The following SLC1A6 variants were observed in gnomAD, a reference collection of about 807,000 sequenced individuals.
The protein encoded by SLC1A6 is excitatory amino acid transporter 4.
SLC1A6 carries 15 observed loss-of-function variants against 42.1 expected under a neutral mutation model. The ratio of observed to expected loss-of-function variants is 0.36; its 90% CI spans 0.24 to 0.55. The LOEUF (loss-of-function observed/expected upper bound fraction) is 0.55. Among genes scored for constraint, SLC1A6 ranks in the 20% least tolerant of loss-of-function variants. SLC1A6 has a pLI of 0.88. For missense variants in SLC1A6, 542 were observed against 772.5 expected, an observed-to-expected ratio of 0.70 and a Z score of 3.54; for synonymous variants, 317 against 319.7, an observed-to-expected ratio of 0.99 and a Z score of 0.09.
intron 1 of SLC1A6, among the ~76,000 whole-genome samples, chr19:14,989,310 G>A (rs1327634448): frequency 6.6e-6 from 1 of 152,140 alleles, no homozygotes; most frequent in African/African-American, 2.4e-5. Flanking sequence ...TGCCCAGGCT[G>A]GAGTGCAATG....
In SLC1A6 at chr19:14,969,624, C is replaced by T. The variant is rs553040146; in HGVS notation, c.344-1117G>A. On this transcript the variant is annotated intron_variant, in intron 3 of 9. Transcript: ENST00000594383. ...TGCGAGTTTCTCTTGAGAGCTATCC[C>T]GCAATAAATCACCTGTGCAGATATC... is the stretch of plus-strand genomic sequence containing the variant. 1.8e-4 allele frequency among the ~76,000 whole-genome samples: 27 copies of T among 152,274 alleles called. 1 individual carries two copies. The South Asian group carries it at 4.8e-3, about 27-fold the overall frequency.
At chr19:14,976,125 A>G (rs766516101) in intron 1 of SLC1A6, among the ~76,000 whole-genome samples, 2 of 152,178 alleles carry the variant, frequency 1.3e-5, no homozygotes, top group African/African-American at 2.4e-5. Context: ...GGACAACAGT[A>G]TGGAGATTTC....
At chr19:14,997,749 T>C (rs2045853986) in intron 1 of SLC1A6, among the ~76,000 whole-genome samples, 1 of 152,054 alleles carries the variant, frequency 6.6e-6, no homozygotes, top group Admixed American at 6.5e-5. Context: ...TCACAGCAAA[T>C]TGTCTGGTTG....
chr19:14,979,892 C>G (rs2045755443), upstream of SLC1A6: 1 of 152,210 alleles, frequency 6.6e-6, no homozygotes, highest in Non-Finnish European at 1.5e-5. The surrounding 1 kb of genome is among the most constrained non-coding windows in gnomAD (Gnocchi z 4.2). Context: ...AGTGGCCTCT[C>G]CGGCATCCAG....
At chr19:14,986,101 A>ATTT (rs34189680) in intron 1 of SLC1A6, among the ~76,000 whole-genome samples, 7 of 145,850 alleles carry the variant, frequency 4.8e-5, no homozygotes, top group African/African-American at 5.0e-5. Context: ...ACAAGCAGTA[A>ATTT]TTTTTTTTTT....
At chr19:14,955,943 G>T (rs1402536875) in intron 7 of SLC1A6, among the ~76,000 whole-genome samples, 1 of 148,336 alleles carries the variant, frequency 6.7e-6, no homozygotes, top group Non-Finnish European at 1.5e-5. Flanking sequence ...TCAAAAAAAA[G>T]AAAAAAAAAA....
At chr19:15,002,880 G>A (rs1289482376) in intron 1 of SLC1A6, among the ~76,000 whole-genome samples, 2 of 138,856 alleles carry the variant, frequency 1.4e-5, no homozygotes, top group African/African-American at 5.3e-5. Context: ...ATGGATGCCT[G>A]AGCCATTATT....
intron 1 of SLC1A6, among the ~76,000 whole-genome samples, chr19:15,001,609 C>T (rs996805989): frequency 7.9e-5 from 12 of 152,132 alleles, no homozygotes; most frequent in African/African-American, 2.9e-4. Flanking sequence ...CATTCTAAAC[C>T]TGAGGTTCAC....
Position 14,950,190 on chromosome 19 carries a change from G to C in SLC1A6, c.*5C>G. On this transcript the variant is annotated 3_prime_UTR_variant, in exon 10 of 10. Coordinates refer to ENST00000594383, the MANE Select transcript of SLC1A6 (RefSeq NM_005071.3). ...CCTCTCTGGGGGGGCAGAGCTGGAGGCCCCTCACATAGCACTCTCGTTGCC... is the reference window on the plus strand; with the variant it reads ...CCTCTCTGGGGGGGCAGAGCTGGAGCCCCCTCACATAGCACTCTCGTTGCC... 6.5e-7 allele frequency: 1 copy of C among 1,531,178 alleles called. No homozygotes were observed. Among genetic ancestry groups the C allele is most frequent in the South Asian group, 1.3e-5 (1 of 78,360 alleles). The allele number at this position is 1,531,178 out of a possible 1,614,324, so 94.8% of individuals were successfully genotyped here. A position where few individuals can be genotyped will look rare whatever the true frequency, so the allele number is the denominator to read the frequency against.
chr19:15,005,457 C>T (rs958480681), intron 1 of SLC1A6, among the ~76,000 whole-genome samples: 10 of 151,768 alleles, frequency 6.6e-5, no homozygotes, highest in Non-Finnish European at 1.3e-4. Flanking sequence ...TGCAGTGAAC[C>T]GAGATCGCGC....
chr19:14,950,366 G>A lies in SLC1A6; in HGVS notation c.1524C>T (p.Asn508=), dbSNP rs777845102. 2.6e-5 allele frequency: 41 copies of A among 1,593,000 alleles called. No homozygotes were observed. Among genetic ancestry groups the A allele is most frequent in the East Asian group, 1.4e-4 (6 of 44,064 alleles). ...CCGCTCCAATTGAGTCCCCCAGTAC[G>A]TTGGTCATTGTGCGAAGCCGGTCAC... The part of the protein sequence containing the change: ...WFLDRLRTMT[N]VLGDSIGAAV... Residue 508 remains asparagine (N), a synonymous_variant, in exon 10 of 10, where the codon AAC becomes AAT. Transcript: ENST00000594383.
intron 1 of SLC1A6, among the ~76,000 whole-genome samples, chr19:14,992,689 G>A (rs1352809363): frequency 6.6e-6 from 1 of 151,888 alleles, no homozygotes; most frequent in Admixed American, 6.6e-5. Flanking sequence ...GGTTAGATTG[G>A]AGCCCACATC....
intron 4 of SLC1A6, among the ~76,000 whole-genome samples, chr19:14,965,890 G>T (rs1391554252): frequency 6.6e-6 from 1 of 151,736 alleles, no homozygotes; most frequent in Non-Finnish European, 1.5e-5. Flanking sequence ...TCTTTGGCAT[G>T]GTTGGAGCTG....
chr19:15,010,076 C>T (rs1395164887), intron 1 of SLC1A6, among the ~76,000 whole-genome samples: 1 of 151,116 alleles, frequency 6.6e-6, no homozygotes, highest in Non-Finnish European at 1.5e-5. Context: ...AGCCCAGCTA[C>T]TCAGGAGACT....
intron 9 of SLC1A6, 69 bp from the exon 10 acceptor site, chr19:14,950,459 A>G (rs2045400278): frequency 1.6e-6 from 2 of 1,249,912 alleles, no homozygotes; most frequent in Admixed American, 4.5e-5. Flanking sequence ...AGGGTGCAGC[A>G]GAGGGGGGTC....
At chr19:14,963,838 T>C (rs1359071880) in intron 5 of SLC1A6, among the ~76,000 whole-genome samples, 1 of 151,634 alleles carries the variant, frequency 6.6e-6, no homozygotes, top group Non-Finnish European at 1.5e-5. Flanking sequence ...CCTCTTTTTT[T>C]TTTTTTTCTT....
At chr19:14,972,627 G>C (rs2045654554) in intron 2 of SLC1A6, 79 bp downstream of exon 2, 1 of 1,195,736 alleles carries the variant, frequency 8.4e-7, no homozygotes, top group East Asian at 2.4e-5. Flanking sequence ...GTGCAGCAAA[G>C]AGATGTGTAG....
rs75558438 is a variant in SLC1A6, at chr19:14,972,828, T to A, written c.83A>T (p.Glu28Val). The A allele has an allele frequency of 8.7e-6, 14 of 1,607,938 alleles. No individual in the cohort carries two copies. The highest frequency in any genetic ancestry group is 1.1e-5 in the South Asian group (1 of 90,424). Residue 28 changes from glutamate (E) to valine (V), a missense_variant, in exon 2 of 10, where the codon GAA (glutamate) becomes GTA (valine). Glu to Val is a moderately radical substitution (Grantham distance 121, BLOSUM62 -2). This residue lies in a region of SLC1A6 where 88 missense variants were observed against 85.5 expected (regional missense o/e 1.03). Transcript: ENST00000594383. ...GCGCAGTGCTCTCTGCTGCAGGCTT[T>A]CCTGCAGCCGCTGCAGCCAGCCCAC... ...GRVGWLQRLQ[E>V]SLQQRALRTR...
intron 2 of SLC1A6, 167 bp downstream of exon 2, chr19:14,972,539 T>C (rs1298290239): frequency 2.1e-5 from 13 of 625,112 alleles, no homozygotes; most frequent in African/African-American, 5.5e-5. Flanking sequence ...TGTGTATTCA[T>C]CTGTGTGGTG....
Sources: allele counts gnomAD v4.1 joint callset (sites outside exome capture counted in the v4.1 genomes callset), GRCh38; gene constraint gnomAD v4.1.1; regional missense constraint gnomAD v4.1.1; non-coding constraint Gnocchi (gnomAD v3.1); transcripts MANE v1.5; gene names NCBI Gene and HGNC (gene_info 2026-07-23, HGNC 2026-07-21).